PDZRN4: variants seen among roughly 807,000 people sequenced by gnomAD.
PDZRN4 encodes PDZ domain containing ring finger 4, also known as PDZ domain-containing RING finger protein 4.
Under a neutral mutation model 99.0 loss-of-function variants are expected in PDZRN4, and 70 were observed. That is an observed-to-expected ratio of 0.71 (90% CI 0.58 to 0.86). PDZRN4 has a LOEUF of 0.86. Among genes scored for constraint, PDZRN4 ranks in the 40% least tolerant of loss-of-function variants. The pLI, the probability that PDZRN4 is intolerant of heterozygous loss-of-function variation, is 0.00. For missense variants in PDZRN4, 1,474 were observed against 1,331.2 expected, an observed-to-expected ratio of 1.11 and a Z score of -1.67; for synonymous variants, 551 against 501.6, an observed-to-expected ratio of 1.10 and a Z score of -1.32.
chr12:41,224,194 CCAGTCTGTGGCATT>C, intron 3 of PDZRN4, among the ~76,000 whole-genome samples: 1 of 152,318 alleles, frequency 6.6e-6, no homozygotes, highest in Non-Finnish European at 1.5e-5. Context: ...TCACTACTTG[CCAGTCTGTGGCATT>C]CAATCCTCAT....
At chr12:41,458,908 C>T (rs2608718) in intron 3 of PDZRN4, among the ~76,000 whole-genome samples, 80,407 of 151,894 alleles carry the variant, frequency 0.53, 22,080 homozygotes, top group African/African-American at 0.69. Flanking sequence ...CAGAAGTTTC[C>T]GATGTTTCAG....
At chr12:41,481,263 A>G (rs1937669150) in intron 3 of PDZRN4, among the ~76,000 whole-genome samples, 1 of 151,966 alleles carries the variant, frequency 6.6e-6, no homozygotes, top group Non-Finnish European at 1.5e-5. Context: ...TTCTCTTCCC[A>G]GTCTGACCAC....
chr12:41,563,239 G>C (rs1410915803), intron 7 of PDZRN4, among the ~76,000 whole-genome samples: 1 of 152,122 alleles, frequency 6.6e-6, no homozygotes, highest in Non-Finnish European at 1.5e-5. Flanking sequence ...TACTCTGAGC[G>C]AAGAAAGATG....
intron 3 of PDZRN4, among the ~76,000 whole-genome samples, chr12:41,314,370 C>T (rs1052756849): frequency 1.3e-5 from 2 of 152,120 alleles, no homozygotes; most frequent in African/African-American, 4.8e-5. Flanking sequence ...CTCCTTAGTG[C>T]TCATGATATC....
rs114414666 is a variant in PDZRN4, at chr12:41,543,005, C to T, written c.1204-9651C>T. Among the ~76,000 whole-genome samples, 636 of 152,166 alleles carry T rather than the reference C, an allele frequency of 4.2e-3. 6 individuals are homozygous for T. The highest frequency in any genetic ancestry group is 0.014 in the African/African-American group (598 of 41,538). On this transcript the variant is annotated intron_variant, in intron 5 of 9. Coordinates refer to ENST00000402685, the MANE Select transcript of PDZRN4 (RefSeq NM_001164595.2). ...TTGGCCTCCCTCTCCCTTTTCTGCCCAGGACTTTGGTTATGAGACCTGTTA... is the reference window on the plus strand; with the variant it reads ...TTGGCCTCCCTCTCCCTTTTCTGCCTAGGACTTTGGTTATGAGACCTGTTA...
chr12:41,556,535 G>T (rs747572187), intron 7 of PDZRN4, among the ~76,000 whole-genome samples: 6 of 152,188 alleles, frequency 3.9e-5, no homozygotes, highest in Non-Finnish European at 5.9e-5. Flanking sequence ...TATAGTAAAA[G>T]CATGGTATTA....
chr12:41,361,421 T>C (rs538885289), intron 3 of PDZRN4, among the ~76,000 whole-genome samples: 15 of 152,152 alleles, frequency 9.9e-5, no homozygotes, highest in African/African-American at 2.9e-4. Flanking sequence ...TGTCCCTGAA[T>C]TGGTATTGAG....
chr12:41,548,649 T>C (rs1228679875), intron 5 of PDZRN4, among the ~76,000 whole-genome samples: 1 of 152,194 alleles, frequency 6.6e-6, no homozygotes, highest in Non-Finnish European at 1.5e-5. Context: ...CTAAGGGTTC[T>C]TTAAAGTTTG....
intron 3 of PDZRN4, among the ~76,000 whole-genome samples, chr12:41,345,332 C>T (rs1301281346): frequency 1.3e-5 from 2 of 152,158 alleles, no homozygotes; most frequent in Admixed American, 1.3e-4. Context: ...CCACCCTCCC[C>T]CTCCTGTCGG....
chr12:41,435,166 A>G (rs1952617562), intron 3 of PDZRN4, among the ~76,000 whole-genome samples: 1 of 152,226 alleles, frequency 6.6e-6, no homozygotes, highest in Non-Finnish European at 1.5e-5. Flanking sequence ...TTAGGAATGA[A>G]TAAAGAAAAC....
intron 7 of PDZRN4, among the ~76,000 whole-genome samples, chr12:41,556,134 C>T (rs1394946087): frequency 6.6e-6 from 1 of 152,180 alleles, no homozygotes; most frequent in African/African-American, 2.4e-5. Context: ...TTGCCATACG[C>T]TTAACACAGT....
intron 3 of PDZRN4, among the ~76,000 whole-genome samples, chr12:41,285,682 T>A (rs1951417914): frequency 6.6e-6 from 1 of 151,908 alleles, no homozygotes; most frequent in Admixed American, 6.6e-5. Flanking sequence ...CCATAAAAAA[T>A]GAGTTCATGT....
At chr12:41,463,611 T>A (rs1383193802) in intron 3 of PDZRN4, among the ~76,000 whole-genome samples, 4 of 152,080 alleles carry the variant, frequency 2.6e-5, no homozygotes, top group Non-Finnish European at 5.9e-5. Flanking sequence ...TTTACAGATG[T>A]AAAGCACCAT....
At position 41,572,642 on chromosome 12, in the gene PDZRN4, T is replaced by A; in HGVS notation, c.1863T>A (p.Asp621Glu). The change falls in exon 10 of 10, where the codon GAT (aspartate) becomes GAA (glutamate). Residue 621 changes from aspartate to glutamate, a missense_variant. Asp to Glu is a conservative substitution (Grantham distance 45). Transcript: ENST00000402685. ...YIDSDCIGNP[D>E]EDCERFRQLL... Reference sequence around the variant, plus strand: ...ACTCAGACTGCATTGGCAACCCAGATGAGGACTGTGAAAGATTCAGGCAGC... The same window carrying A: ...ACTCAGACTGCATTGGCAACCCAGAAGAGGACTGTGAAAGATTCAGGCAGC... 1 of 1,614,152 alleles carries A rather than the reference T, an allele frequency of 6.2e-7. No homozygotes were observed.
At chr12:41,552,629 T>C in intron 5 of PDZRN4, 27 bp from the exon 6 acceptor site, 1 of 1,551,866 alleles carries the variant, frequency 6.4e-7, no homozygotes, top group Non-Finnish European at 8.9e-7. Flanking sequence ...CTGACATAAA[T>C]GTCATCTGTG....
chr12:41,438,394 G>A (rs1952650100), intron 3 of PDZRN4, among the ~76,000 whole-genome samples: 1 of 152,164 alleles, frequency 6.6e-6, no homozygotes, highest in Admixed American at 6.5e-5. Flanking sequence ...ATGGGTCTAT[G>A]ATCTCAGTTA....
At chr12:41,465,613 T>C (rs1313904318) in intron 3 of PDZRN4, among the ~76,000 whole-genome samples, 1 of 152,228 alleles carries the variant, frequency 6.6e-6, no homozygotes, top group Non-Finnish European at 1.5e-5. Flanking sequence ...CAGCAGTTGT[T>C]AGTCTTTAAC....
intron 3 of PDZRN4, among the ~76,000 whole-genome samples, chr12:41,372,949 G>T (rs113705211): frequency 3.0e-4 from 46 of 152,132 alleles, no homozygotes; most frequent in Admixed American, 3.3e-4. Context: ...TTCCCTAAGT[G>T]TTGGCTGGTC....
intron 7 of PDZRN4, among the ~76,000 whole-genome samples, chr12:41,559,325 T>G (rs1276997931): frequency 6.6e-6 from 1 of 152,232 alleles, no homozygotes; most frequent in African/African-American, 2.4e-5. Context: ...GGAAAGTTCT[T>G]CCTTTTCATT....
Sources: gnomAD v4.1 joint callset for allele counts (sites outside exome capture counted in the v4.1 genomes callset) on GRCh38, gnomAD v4.1.1 for gene constraint, MANE v1.5 for transcripts, NCBI Gene and HGNC (gene_info 2026-07-23, HGNC 2026-07-21) for gene names.